DRC7: variants seen among roughly 807,000 people sequenced by gnomAD.
The protein encoded by DRC7 is coiled-coil domain containing 135.
DRC7 carries 80 observed loss-of-function variants against 104.4 expected under a neutral mutation model. That is an observed-to-expected ratio of 0.77 (90% CI 0.64 to 0.92). The LOEUF (loss-of-function observed/expected upper bound fraction) is 0.92, where lower values mean the gene tolerates loss of function less well. Among genes scored for constraint, DRC7 ranks in the 40% least tolerant of loss-of-function variants. The pLI is 0.00. For missense variants in DRC7, 1,034 were observed against 1,141.1 expected (o/e 0.91, Z 1.35); for synonymous variants, 405 against 447.3 (o/e 0.91, Z 1.19).
intron 17 of DRC7, among the ~76,000 whole-genome samples, chr16:57,730,567 T>C (rs1285380359): frequency 6.6e-6 from 1 of 152,042 alleles, no homozygotes; most frequent in African/African-American, 2.4e-5. Flanking sequence ...TAAGATTATG[T>C]CACTTAATCT....
Position 57,698,172 on chromosome 16 carries a change from G to T in DRC7, c.203+20G>T, listed in dbSNP as rs1378097442. On this transcript the variant is annotated intron_variant, in intron 3 of 18. Transcript: ENST00000360716. ...GCTCCCGTGAGTGTGGCAGGGTGGG[G>T]GCCCTGGCAAGGGTAGACCGGGGCT... is the stretch of plus-strand genomic sequence containing the variant. 6.2e-7 allele frequency: 1 copy of T among 1,613,686 alleles called. No individual in the cohort carries two copies. The highest frequency in any genetic ancestry group is 8.5e-7 in the Non-Finnish European group (1 of 1,179,948).
chr16:57,728,957 A>G (rs1243840216), intron 17 of DRC7, among the ~76,000 whole-genome samples: 3 of 140,258 alleles, frequency 2.1e-5, no homozygotes, highest in Admixed American at 2.1e-4. Context: ...TGGGTGGATA[A>G]ATGGATGGAT....
chr16:57,726,529 C>T, intron 14 of DRC7: 1 of 570,096 alleles, frequency 1.8e-6, no homozygotes, highest in Non-Finnish European at 3.1e-6. Flanking sequence ...CAGTCCTGGT[C>T]AGGGCAAACC....
chr16:57,705,146 G>A (rs1316169724), intron 7 of DRC7, 112 bp downstream of exon 7: 28 of 1,230,430 alleles, frequency 2.3e-5, no homozygotes, highest in East Asian at 2.6e-5. Context: ...CCCCAACTAG[G>A]TCCACCTCAC....
At chr16:57,728,172 A>G (rs1465462246) in intron 16 of DRC7, among the ~76,000 whole-genome samples, 1 of 152,228 alleles carries the variant, frequency 6.6e-6, no homozygotes, top group East Asian at 1.9e-4. Flanking sequence ...TCAGGTAGTG[A>G]GATACAAATT....
At position 57,702,041 on chromosome 16, in the gene DRC7, G is replaced by A. The variant is rs2048664681; in HGVS notation, c.610G>A (p.Ala204Thr). Residue 204 changes from alanine (A) to threonine (T), a missense_variant, in exon 6 of 19, where the codon GCT (alanine) becomes ACT (threonine). By Grantham distance (58) the Ala-to-Thr change is moderately conservative. Transcript: ENST00000360716. ...CSMLIGSGYDAYCVNGYGSLD... is the reference protein window; with the variant it reads ...CSMLIGSGYDTYCVNGYGSLD... Reference sequence around the variant, plus strand: ...CATGCTTATCGGCTCTGGCTATGATGCTTACTGCGTCAACGGCTACGGCTC... The same window carrying A: ...CATGCTTATCGGCTCTGGCTATGATACTTACTGCGTCAACGGCTACGGCTC... 6.2e-7 allele frequency: 1 copy of A among 1,614,234 alleles called. No homozygotes were observed. The highest frequency in any genetic ancestry group is 1.1e-5 in the South Asian group (1 of 91,092).
chr16:57,697,192 C>A (rs1172761360), intron 2 of DRC7, among the ~76,000 whole-genome samples: 1 of 151,996 alleles, frequency 6.6e-6, no homozygotes, highest in African/African-American at 2.4e-5. Context: ...GGATCACAGG[C>A]ATGAGCCACC....
intron 3 of DRC7, among the ~76,000 whole-genome samples, chr16:57,698,525 G>C (rs2923133): frequency 0.55 from 83,518 of 151,610 alleles, 24,085 homozygotes; most frequent in East Asian, 0.73. Context: ...CCCCACCCAT[G>C]TCTACAAAAA....
chr16:57,716,714 T>A (rs1422005728), intron 8 of DRC7, among the ~76,000 whole-genome samples: 4 of 151,992 alleles, frequency 2.6e-5, no homozygotes, highest in African/African-American at 9.7e-5. Context: ...CACATGACAG[T>A]GAGTACTAGG....
At position 57,721,840 on chromosome 16, in the gene DRC7, C is replaced by A. The variant is rs547950665; in HGVS notation, c.1279+101C>A. On this transcript the variant is annotated intron_variant, in intron 10 of 18. Coordinates refer to ENST00000360716, the MANE Select transcript of DRC7 (RefSeq NM_001289162.2). ...GGCAGGGGGACACAGCAGGGAATGC[C>A]ATGCCCCACATTTCCACCCTTCTCA... 117 of 796,854 alleles carry A rather than the reference C, an allele frequency of 1.5e-4. No homozygotes were observed. In the African/African-American group the frequency reaches 1.6e-3, roughly 11 times the overall value. The allele number at this position is 796,854 out of a possible 1,614,324, so 49.4% of individuals were successfully genotyped here. A position where few individuals can be genotyped will look rare whatever the true frequency, so the allele number is the denominator to read the frequency against.
At chr16:57,699,086 G>C in intron 4 of DRC7, 62 bp downstream of exon 4, 1 of 1,566,910 alleles carries the variant, frequency 6.4e-7, no homozygotes, top group East Asian at 2.3e-5. Flanking sequence ...GAGGGCACAG[G>C]GAAGTGGGGC....
At chr16:57,706,486 C>T in intron 7 of DRC7, among the ~76,000 whole-genome samples, 1 of 145,044 alleles carries the variant, frequency 6.9e-6, no homozygotes, top group Non-Finnish European at 1.5e-5. Context: ...ATCCATCCGT[C>T]CTCTCATCCA....
At chr16:57,704,376 TACACACACAC>T (rs55873452) in intron 6 of DRC7, among the ~76,000 whole-genome samples, 4 of 148,992 alleles carry the variant, frequency 2.7e-5, no homozygotes, top group Admixed American at 6.7e-5. Context: ...CACGCAAGCG[TACACACACAC>T]ACACACACAC....
In DRC7 at chr16:57,731,500, CTTCTG is replaced by C; in HGVS notation, c.*245_*249del. The C allele has an allele frequency of 1.8e-6, 1 of 556,952 alleles. No homozygotes were observed. 34.5% of individuals were successfully genotyped at this position (556,952 alleles called of 1,614,324 possible). A position where few individuals can be genotyped will look rare whatever the true frequency, so the allele number is the denominator to read the frequency against. ...AAGCTCCAGCAGCAGCCTTTCTCTT[CTTCTG>C]TTATCTATAGCCTGGGACCACCCCC... On this transcript the variant is annotated 3_prime_UTR_variant, in exon 19 of 19. Transcript: ENST00000360716.
intron 5 of DRC7, among the ~76,000 whole-genome samples, chr16:57,700,656 C>CAAAAAAA (rs59120133): frequency 9.0e-5 from 8 of 88,610 alleles, no homozygotes; most frequent in South Asian, 4.4e-4. Context: ...AAAACTCTCT[C>CAAAAAAA]AAAAAAAAAA....
At position 57,726,261 on chromosome 16, in the gene DRC7, C is replaced by T; in HGVS notation, c.1952C>T (p.Pro651Leu). ...DSKGNKIIMT[P>L]DMCISFEVEP... Reference sequence around the variant, plus strand: ...AAAGGCAACAAGATCATCATGACGCCCGACATGTGCATCAGCTTCGAGGTG... The same window carrying T: ...AAAGGCAACAAGATCATCATGACGCTCGACATGTGCATCAGCTTCGAGGTG... Residue 651 changes from proline to leucine, a missense_variant, in exon 14 of 19, where the codon CCC becomes CTC. Transcript: ENST00000360716. 1 of 1,612,106 alleles carries T rather than the reference C, an allele frequency of 6.2e-7. No homozygotes were observed. The highest frequency in any genetic ancestry group is 8.5e-7 in the Non-Finnish European group (1 of 1,179,182).
intron 8 of DRC7, among the ~76,000 whole-genome samples, chr16:57,711,973 G>A (rs145583523): frequency 0.016 from 2,483 of 152,302 alleles, 30 homozygotes; most frequent in Non-Finnish European, 0.027. Flanking sequence ...TTTAGGGAGG[G>A]TCAGAATCTT....
chr16:57,703,967 CAAAAAAA>C (rs35232247), intron 6 of DRC7, among the ~76,000 whole-genome samples: 2 of 64,354 alleles, frequency 3.1e-5, no homozygotes, highest in Non-Finnish European at 5.6e-5. Flanking sequence ...ACTCTGGCTC[CAAAAAAA>C]AAAAAAAAAA....
intron 4 of DRC7, among the ~76,000 whole-genome samples, chr16:57,699,896 C>T (rs1485107408): frequency 1.3e-5 from 2 of 152,206 alleles, no homozygotes; most frequent in Non-Finnish European, 2.9e-5. Flanking sequence ...CTTGTGCTGT[C>T]TCCGGGTGCT....
Sources: gnomAD v4.1 joint callset for allele counts (sites outside exome capture counted in the v4.1 genomes callset) on GRCh38, gnomAD v4.1.1 for gene constraint, MANE v1.5 for transcripts, NCBI Gene and HGNC (gene_info 2026-07-23, HGNC 2026-07-21) for gene names.